MYO16: variants seen among roughly 807,000 people sequenced by gnomAD.
The protein encoded by MYO16 is myosin XVI, also known as unconventional myosin-XVI.
Under a neutral mutation model 205.3 loss-of-function variants are expected in MYO16, and 94 were observed. That is an observed-to-expected ratio of 0.46 (90% CI 0.39 to 0.54). The LOEUF (loss-of-function observed/expected upper bound fraction) is 0.54, where lower values mean the gene tolerates loss of function less well. MYO16 is among the 20% of genes least tolerant of loss of function. The pLI, the probability that MYO16 is intolerant of heterozygous loss-of-function variation, is 0.00. For missense variants in MYO16, 2,315 were observed against 2,387.5 expected, an observed-to-expected ratio of 0.97 and a Z score of 0.63; for synonymous variants, 988 against 954.0, an observed-to-expected ratio of 1.04 and a Z score of -0.66.
chr13:108,632,482 G>T (rs1272963800), intron 1 of MYO16, among the ~76,000 whole-genome samples: 1 of 152,130 alleles, frequency 6.6e-6, no homozygotes, highest in Non-Finnish European at 1.5e-5. Flanking sequence ...GCTAATGCTC[G>T]CAAGGAACTG....
intron 20 of MYO16, among the ~76,000 whole-genome samples, chr13:108,966,169 T>C (rs755540006): frequency 1.1e-4 from 16 of 148,580 alleles, no homozygotes; most frequent in Non-Finnish European, 2.3e-4. Context: ...AGAAATATTG[T>C]AGTATTTACT....
chr13:108,566,660 A>G, the MYO16 span, among the ~76,000 whole-genome samples: 3 of 150,856 alleles, frequency 2.0e-5, no homozygotes, highest in Non-Finnish European at 3.0e-5. Flanking sequence ...AAAAGAAAGA[A>G]GGAAAGAAGG....
At chr13:108,724,460 C>A (rs973538623) in intron 3 of MYO16, among the ~76,000 whole-genome samples, 2 of 152,108 alleles carry the variant, frequency 1.3e-5, no homozygotes, top group African/African-American at 2.4e-5. Context: ...ATACTCCCTG[C>A]CTTTTAACTG....
At chr13:108,743,765 A>G (rs2139619103) in intron 4 of MYO16, among the ~76,000 whole-genome samples, 1 of 152,368 alleles carries the variant, frequency 6.6e-6, no homozygotes, top group East Asian at 1.9e-4. Context: ...CTGGAACCAA[A>G]GCATTCTGTC....
At chr13:108,930,057 C>CTT (rs1185869492) in intron 16 of MYO16, among the ~76,000 whole-genome samples, 16 of 152,116 alleles carry the variant, frequency 1.1e-4, no homozygotes, top group Admixed American at 2.0e-4. Context: ...TGCCCATAAT[C>CTT]TTATTTATTT....
intron 7 of MYO16, among the ~76,000 whole-genome samples, chr13:108,819,540 A>T (rs1376257741): frequency 6.6e-6 from 1 of 152,140 alleles, no homozygotes; most frequent in Non-Finnish European, 1.5e-5. Context: ...GGGGAGAAAC[A>T]CATGAAGATG....
chr13:108,540,260 G>A, the MYO16 span, among the ~76,000 whole-genome samples: 4,619 of 152,212 alleles, frequency 0.03, 201 homozygotes, highest in African/African-American at 0.1. Flanking sequence ...TGGTAGAAAT[G>A]TCAAAGGCTA....
chr13:108,941,884 C>T (rs951339837), intron 16 of MYO16, among the ~76,000 whole-genome samples: 3 of 152,090 alleles, frequency 2.0e-5, no homozygotes, highest in African/African-American at 4.8e-5. Flanking sequence ...TAAAAATTAA[C>T]ATATTTTGCT....
chr13:109,169,579 GT>G (rs1878844875), intron 33 of MYO16, among the ~76,000 whole-genome samples: 3 of 151,240 alleles, frequency 2.0e-5, no homozygotes, highest in African/African-American at 7.3e-5. Flanking sequence ...ATTACAAACA[GT>G]TTTACACCAA....
At chr13:108,907,410 A>G (rs1881040225) in intron 15 of MYO16, among the ~76,000 whole-genome samples, 1 of 152,214 alleles carries the variant, frequency 6.6e-6, no homozygotes, top group Admixed American at 6.5e-5. Context: ...ACAAGTCTTG[A>G]GAAGTCAGGA....
At chr13:108,807,330 G>C (rs997406320) in intron 7 of MYO16, among the ~76,000 whole-genome samples, 2 of 151,956 alleles carry the variant, frequency 1.3e-5, no homozygotes, top group African/African-American at 4.8e-5. Context: ...TTTCAGTAGT[G>C]TAACTATCAA....
At chr13:108,983,793 T>C (rs1263688685) in intron 20 of MYO16, among the ~76,000 whole-genome samples, 1 of 152,148 alleles carries the variant, frequency 6.6e-6, no homozygotes, top group African/African-American at 2.4e-5. Context: ...CAGGACTTTC[T>C]AATTGACAGG....
At chr13:108,896,845 C>T (rs986061122) in intron 14 of MYO16, among the ~76,000 whole-genome samples, 2 of 151,736 alleles carry the variant, frequency 1.3e-5, no homozygotes, top group African/African-American at 4.8e-5. Context: ...AACGGCATGC[C>T]CTTGTAATCC....
At chr13:109,058,843 T>C (rs1469512924) in intron 27 of MYO16, among the ~76,000 whole-genome samples, 1 of 152,122 alleles carries the variant, frequency 6.6e-6, no homozygotes, top group Non-Finnish European at 1.5e-5. Context: ...AAAATTCGAG[T>C]CAATCTTCTG....
At chr13:108,824,688 A>G (rs1054480702) in intron 9 of MYO16, among the ~76,000 whole-genome samples, 1 of 152,110 alleles carries the variant, frequency 6.6e-6, no homozygotes, top group Non-Finnish European at 1.5e-5. Flanking sequence ...TCAATTGAAC[A>G]TGGAACATTC....
chr13:109,099,724 G>T (rs1007218730), intron 27 of MYO16, among the ~76,000 whole-genome samples: 1 of 152,110 alleles, frequency 6.6e-6, no homozygotes, highest in Non-Finnish European at 1.5e-5. Flanking sequence ...TAAGACACAC[G>T]TGTGATTCCC....
At chr13:108,894,158 C>G (rs548251757) in intron 14 of MYO16, among the ~76,000 whole-genome samples, 1 of 152,156 alleles carries the variant, frequency 6.6e-6, no homozygotes, top group South Asian at 2.1e-4. Flanking sequence ...AGATCTCATG[C>G]GAATGCCTTC....
At chr13:109,177,225 C>T (rs1446361950) in intron 33 of MYO16, among the ~76,000 whole-genome samples, 4 of 152,336 alleles carry the variant, frequency 2.6e-5, no homozygotes, top group South Asian at 4.1e-4. Flanking sequence ...AGACCCTGTT[C>T]AACGTGACCT....
chr13:108,732,867 C>T (rs1161853356), intron 4 of MYO16, among the ~76,000 whole-genome samples: 1 of 152,064 alleles, frequency 6.6e-6, no homozygotes, highest in African/African-American at 2.4e-5. Context: ...GCAGAGTTGT[C>T]TGTATTTTGT....
Sources: gnomAD v4.1 joint callset for allele counts (sites outside exome capture counted in the v4.1 genomes callset) on GRCh38, gnomAD v4.1.1 for gene constraint, MANE v1.5 for transcripts, NCBI Gene and HGNC (gene_info 2026-07-23, HGNC 2026-07-21) for gene names.